Variants in RNASE10 observed in about 807,000 individuals in gnomAD.
The protein encoded by RNASE10 is ribonuclease A family member 10 (inactive), also known as inactive ribonuclease-like protein 10.
In RNASE10, 2 loss-of-function variants were observed where a neutral mutation model predicts 1.1. The observed-to-expected ratio is 1.82, with a 90% CI of 0.74 to 5.73. The LOEUF is 5.73. Ranked by LOEUF, RNASE10 falls within the 30% of genes most tolerant of loss-of-function variation. The pLI is 0.05. For missense variants in RNASE10, 276 were observed against 263.4 expected, an observed-to-expected ratio of 1.05 and a Z score of -0.33; for synonymous variants, 97 against 96.2, an observed-to-expected ratio of 1.01 and a Z score of -0.05.
intron 1 of RNASE10, 28 bp from the exon 2 acceptor site, chr14:20,510,439 G>A (rs188575151): frequency 1.5e-5 from 24 of 1,584,996 alleles, no homozygotes; most frequent in African/African-American, 9.4e-5. Context: ...TCAAAGTCAC[G>A]TTCTTCCATT....
exon 2 of RNASE10, chr14:20,510,557 T>C (rs779487681): frequency 1.9e-6 from 3 of 1,614,184 alleles, no homozygotes; most frequent in Non-Finnish European, 2.5e-6. Context: ...GGACTTCATA[T>C]GGCTACAGCA....
chr14:20,508,999 A>T (rs917675340), intron 1 of RNASE10, among the ~76,000 whole-genome samples: 4 of 151,926 alleles, frequency 2.6e-5, no homozygotes, highest in African/African-American at 9.7e-5. Context: ...CTGGCAGGGA[A>T]TGTGTCTCTT....
At chr14:20,507,705 C>T (rs904461423) in intron 1 of RNASE10, among the ~76,000 whole-genome samples, 5 of 150,176 alleles carry the variant, frequency 3.3e-5, no homozygotes, top group Non-Finnish European at 7.4e-5. Context: ...TATCCAGGTA[C>T]ATTATTTTTT....
At chr14:20,510,764 G>A (rs1250720997) in exon 2 of RNASE10, 2 of 1,614,220 alleles carry the variant, frequency 1.2e-6, no homozygotes, top group East Asian at 4.5e-5. Context: ...AAGATGCTCA[G>A]AGCCTCAGCT....
At chr14:20,512,693 G>A (rs1421344227), downstream of RNASE10, among the ~76,000 whole-genome samples, 5 of 152,118 alleles carry the variant, frequency 3.3e-5, no homozygotes, top group Admixed American at 1.3e-4. Flanking sequence ...AACCTCTTAG[G>A]AACAGTGTTG....
chr14:20,506,633 C>T (rs1164066385), intron 1 of RNASE10, among the ~76,000 whole-genome samples: 6 of 99,424 alleles, frequency 6.0e-5, no homozygotes, highest in East Asian at 2.8e-4. Context: ...ATCAGCCCCC[C>T]GCCTGGCCAG....
At chr14:20,512,911 G>A (rs1196862447), downstream of RNASE10, among the ~76,000 whole-genome samples, 1 of 152,190 alleles carries the variant, frequency 6.6e-6, no homozygotes, top group Non-Finnish European at 1.5e-5. Context: ...AGGATGGGAA[G>A]AGGGGAAAGA....
chr14:20,507,980 A>G (rs1297568375), intron 1 of RNASE10, among the ~76,000 whole-genome samples: 1 of 151,884 alleles, frequency 6.6e-6, no homozygotes, highest in Non-Finnish European at 1.5e-5. Flanking sequence ...AAACTCCGGG[A>G]CTCAAGTGAT....
At chr14:20,507,627 TAAA>T (rs1882784370) in intron 1 of RNASE10, among the ~76,000 whole-genome samples, 1 of 133,340 alleles carries the variant, frequency 7.5e-6, no homozygotes, top group Non-Finnish European at 1.6e-5. Context: ...AATAAATAAA[TAAA>T]TAAATAAAAT....
downstream of RNASE10, among the ~76,000 whole-genome samples, chr14:20,512,410 AC>A (rs1882919738): frequency 6.6e-6 from 1 of 152,214 alleles, no homozygotes; most frequent in Admixed American, 6.5e-5. Flanking sequence ...GTAAGGATTC[AC>A]CGTGTGACTG....
exon 2 of RNASE10, chr14:20,510,953 T>A: frequency 6.2e-7 from 1 of 1,607,214 alleles, no homozygotes; most frequent in Non-Finnish European, 8.5e-7. Context: ...GCCTGTGAGC[T>A]CAAGGGGGGA....
chr14:20,504,349 C>T (rs1018954800), upstream of RNASE10, among the ~76,000 whole-genome samples: 1 of 152,178 alleles, frequency 6.6e-6, no homozygotes, highest in South Asian at 2.1e-4. Flanking sequence ...TATGCATGTA[C>T]GTAAGTCACA....
chr14:20,505,311 TCCCTCTCCCTCTCCCTCC>T (rs1882670413), upstream of RNASE10, among the ~76,000 whole-genome samples: 1 of 41,196 alleles, frequency 2.4e-5, no homozygotes, highest in Admixed American at 3.0e-4. Context: ...CCTCTCCCTC[TCCCTCTCCCTCTCCCTCC>T]ACGGTCTCCT....
At chr14:20,512,054 G>C (rs1259703636), downstream of RNASE10, among the ~76,000 whole-genome samples, 4 of 152,094 alleles carry the variant, frequency 2.6e-5, no homozygotes, top group Non-Finnish European at 4.4e-5. Context: ...AAAGAGAGAG[G>C]AAAAGAGAGA....
At chr14:20,506,452 C>A (rs1882721851) in intron 1 of RNASE10, among the ~76,000 whole-genome samples, 1 of 131,532 alleles carries the variant, frequency 7.6e-6, no homozygotes, top group Non-Finnish European at 1.7e-5. Flanking sequence ...GGGGGTCAGC[C>A]CCCTGCCCGG....
At chr14:20,510,866 A>T in exon 2 of RNASE10, 1 of 1,614,240 alleles carries the variant, frequency 6.2e-7, no homozygotes, top group Non-Finnish European at 8.5e-7. Flanking sequence ...GAGCCCAGTC[A>T]GAGTTGCATA....
downstream of RNASE10, chr14:20,511,274 A>G (rs1882895077): frequency 1.8e-6 from 1 of 560,220 alleles, no homozygotes; most frequent in African/African-American, 1.9e-5. Context: ...TGTTCCTAGG[A>G]TTAGAGATGG....
rs749387209 is a variant in RNASE10 at position 20,510,647 on chromosome 14, GA to G, written c.261del (p.Asp88ThrfsTer63). 2.5e-6 allele frequency: 4 copies of G among 1,614,114 alleles called. No homozygotes were observed. In the African/African-American group the frequency reaches 4.0e-5, roughly 16 times the overall value. ...GACAAAGCTGAGGCCACTGAGGAGG[GA>G]GACGGCACCCAAACCACAGAAACGC... is the stretch of plus-strand genomic sequence containing the variant. On this transcript the variant is annotated frameshift_variant, in exon 2 of 2. Coordinates refer to ENST00000430083, the Ensembl canonical transcript of RNASE10. LOFTEE classifies it low-confidence loss of function (END_TRUNC).
At chr14:20,506,176 G>A (rs1882703463) in intron 1 of RNASE10, among the ~76,000 whole-genome samples, 157 bp downstream of exon 1, 6 of 124,360 alleles carry the variant, frequency 4.8e-5, no homozygotes, top group South Asian at 2.9e-4. Flanking sequence ...CCGTCCGGGA[G>A]GGAGGTGGGG....
Sources: allele counts gnomAD v4.1 joint callset (sites outside exome capture counted in the v4.1 genomes callset), GRCh38; gene constraint gnomAD v4.1.1; transcripts MANE v1.5; gene names NCBI Gene and HGNC (gene_info 2026-07-23, HGNC 2026-07-21).